The following UPP2 variants were observed in gnomAD, a reference collection of about 807,000 sequenced individuals.
The protein encoded by UPP2 is UPase 2.
Under a neutral mutation model 26.7 loss-of-function variants are expected in UPP2, and 23 were observed. That is an observed-to-expected ratio of 0.86 (90% CI 0.62 to 1.22). The LOEUF (loss-of-function observed/expected upper bound fraction) is 1.22, where lower values mean the gene tolerates loss of function less well. UPP2 is among the 50% of genes most tolerant of loss of function. The pLI, the probability that UPP2 is intolerant of heterozygous loss-of-function variation, is 0.00. For missense variants in UPP2, 387 were observed against 396.7 expected (o/e 0.98, Z 0.21); for synonymous variants, 127 against 141.3 (o/e 0.90, Z 0.72).
At chr2:158,006,652 TA>T (rs1454104368) in intron 2 of UPP2, among the ~76,000 whole-genome samples, 2 of 152,066 alleles carry the variant, frequency 1.3e-5, no homozygotes, top group Non-Finnish European at 2.9e-5. Context: ...TCACTTGAAT[TA>T]AAAAAATAAA....
intron 2 of UPP2, among the ~76,000 whole-genome samples, chr2:158,009,806 C>G (rs1164583554): frequency 6.6e-6 from 1 of 152,232 alleles, no homozygotes; most frequent in Non-Finnish European, 1.5e-5. Context: ...GGGCTGCCTT[C>G]TGTGGTCATC....
chr2:158,092,566 A>C (rs1267441116), intron 3 of UPP2, among the ~76,000 whole-genome samples: 1 of 152,234 alleles, frequency 6.6e-6, no homozygotes, highest in Non-Finnish European at 1.5e-5. Flanking sequence ...GAACTATTAT[A>C]TAATGTACTT....
At position 158,008,455 on chromosome 2, in the gene UPP2, G is replaced by A. The variant is rs1341662860; in HGVS notation, c.62-7346G>A. Among the ~76,000 whole-genome samples, 6 of 152,170 alleles carry A rather than the reference G, an allele frequency of 3.9e-5. No homozygotes were observed. The East Asian group carries it at 5.8e-4, about 15-fold the overall frequency. ...TTTACCAGTTACAGAGCAGAGTGGA[G>A]AGGAATGTTATTTGACTTAGGCTAA... is the stretch of plus-strand genomic sequence containing the variant. On this transcript the variant is annotated intron_variant, in intron 2 of 9. Transcript: ENST00000605860.
chr2:158,037,007 A>AT (rs908163554), intron 3 of UPP2, among the ~76,000 whole-genome samples: 4 of 152,112 alleles, frequency 2.6e-5, no homozygotes, highest in Non-Finnish European at 4.4e-5. Flanking sequence ...AAGTTCATTT[A>AT]TTTTTTGGAA....
chr2:158,062,456 C>T (rs1574269571), intron 3 of UPP2, among the ~76,000 whole-genome samples: 1 of 152,126 alleles, frequency 6.6e-6, no homozygotes, highest in Admixed American at 6.5e-5. Context: ...CATGTATCCA[C>T]GTGCAAGGTT....
At chr2:158,098,362 A>G (rs748262123), upstream of UPP2, among the ~76,000 whole-genome samples, 1 of 152,092 alleles carries the variant, frequency 6.6e-6, no homozygotes, top group Non-Finnish European at 1.5e-5. Context: ...CAGCCTAAGA[A>G]AGGTTGTGAT....
At chr2:158,050,659 C>T (rs527722763) in intron 3 of UPP2, among the ~76,000 whole-genome samples, 1 of 152,248 alleles carries the variant, frequency 6.6e-6, no homozygotes, top group East Asian at 1.9e-4. Flanking sequence ...TAAGATGGAT[C>T]TGGCATTTAC....
chr2:158,015,987 T>C (rs1474564893), intron 3 of UPP2: 1 of 312,832 alleles, frequency 3.2e-6, no homozygotes, highest in Non-Finnish European at 6.3e-6. Flanking sequence ...GAAGTGAAAT[T>C]GCTGGGTCAT....
intron 2 of UPP2, 111 bp downstream of exon 2, chr2:158,106,327 A>T: frequency 2.5e-6 from 2 of 813,488 alleles, no homozygotes; most frequent in Non-Finnish European, 3.9e-6. Flanking sequence ...CCCAATAGGA[A>T]CTGAAGTCAC....
In UPP2 at chr2:158,125,229, A is replaced by C. The variant is rs187349626; in HGVS notation, c.811+1334A>C. On this transcript the variant is annotated intron_variant, in intron 6 of 6. Coordinates refer to ENST00000005756, the MANE Select transcript of UPP2 (RefSeq NM_173355.4). The stretch of plus-strand genomic sequence containing the variant: ...GCAAAACTTGTCCTTATAGTCAATG[A>C]ATTTTAATCTACACATTACAAACAG... Among the ~76,000 whole-genome samples, 11 of 151,934 alleles carry C rather than the reference A, an allele frequency of 7.2e-5. No homozygotes were observed. In the East Asian group the frequency reaches 2.1e-3, roughly 29 times the overall value.
chr2:158,039,892 C>A (rs1242263123), intron 3 of UPP2, among the ~76,000 whole-genome samples: 2 of 152,210 alleles, frequency 1.3e-5, no homozygotes, highest in Non-Finnish European at 2.9e-5. Flanking sequence ...ACTGAGGCCC[C>A]AGGGGAGGGG....
intron 3 of UPP2, among the ~76,000 whole-genome samples, chr2:158,072,357 C>G (rs1200383611): frequency 6.6e-6 from 1 of 152,174 alleles, no homozygotes; most frequent in Non-Finnish European, 1.5e-5. Context: ...ACTCCAATCT[C>G]TGGCTTCTAG....
chr2:158,087,885 C>G (rs189685074), intron 3 of UPP2, among the ~76,000 whole-genome samples: 1 of 152,270 alleles, frequency 6.6e-6, no homozygotes, highest in East Asian at 1.9e-4. Flanking sequence ...CCTTTTTAGG[C>G]TACCTGATGT....
intron 4 of UPP2, among the ~76,000 whole-genome samples, chr2:158,121,069 C>G (rs1407165849): frequency 6.6e-6 from 1 of 151,942 alleles, no homozygotes; most frequent in Non-Finnish European, 1.5e-5. Flanking sequence ...AGTCACATCA[C>G]TTTATGAAAG....
chr2:158,135,518 C>A lies in UPP2; in HGVS notation c.*628C>A, dbSNP rs1030847511. On this transcript the variant is annotated 3_prime_UTR_variant, in exon 7 of 7. Transcript: ENST00000005756. Reference sequence around the variant, plus strand: ...ATTACATTTTCCTCTCAACTGAAAACCCTCAGTAATGCAAAGAAAGGCCTT... The same window carrying A: ...ATTACATTTTCCTCTCAACTGAAAAACCTCAGTAATGCAAAGAAAGGCCTT... 2.0e-5 allele frequency: 3 copies of A among 152,166 alleles called. No homozygotes were observed. Among genetic ancestry groups the A allele is most frequent in the Non-Finnish European group, 4.4e-5 (3 of 68,030 alleles). 9.4% of individuals were successfully genotyped at this position (152,166 alleles called of 1,614,324 possible).
intron 6 of UPP2, among the ~76,000 whole-genome samples, chr2:158,129,074 T>C (rs1043562296): frequency 6.6e-6 from 1 of 152,088 alleles, no homozygotes; most frequent in Non-Finnish European, 1.5e-5. Flanking sequence ...TTTGATTCAT[T>C]TTAATTCCAC....
chr2:158,002,180 G>T (rs184668590), intron 2 of UPP2, among the ~76,000 whole-genome samples: 1 of 152,086 alleles, frequency 6.6e-6, no homozygotes, highest in African/African-American at 2.4e-5. Flanking sequence ...AGGGAGATGA[G>T]GTAAAAACAG....
chr2:158,070,886 T>C (rs1682527778), intron 3 of UPP2, among the ~76,000 whole-genome samples: 1 of 152,142 alleles, frequency 6.6e-6, no homozygotes. Flanking sequence ...ACAGTGACTG[T>C]AGGACTTGAT....
At chr2:158,074,067 A>C (rs371450516) in intron 3 of UPP2, among the ~76,000 whole-genome samples, 5 of 152,150 alleles carry the variant, frequency 3.3e-5, no homozygotes, top group Non-Finnish European at 7.4e-5. Context: ...AGTCTCAGCT[A>C]CTTGGGAAGC....
Sources: gnomAD v4.1 joint callset for allele counts (sites outside exome capture counted in the v4.1 genomes callset) on GRCh38, gnomAD v4.1.1 for gene constraint, MANE v1.5 for transcripts, NCBI Gene and HGNC (gene_info 2026-07-23, HGNC 2026-07-21) for gene names.